The following DPP6 variants were observed in gnomAD, a reference collection of about 807,000 sequenced individuals.
DPP6 encodes dipeptidyl peptidase like 6.
Under a neutral mutation model 122.6 loss-of-function variants are expected in DPP6, and 69 were observed. That is an observed-to-expected ratio of 0.56 (90% CI 0.46 to 0.69). DPP6 has a LOEUF of 0.69. DPP6 is among the 30% of genes least tolerant of loss of function. The probability of loss-of-function intolerance (pLI) is 0.00; values close to 1 mark genes in which losing one functional copy is unlikely to be tolerated. For synonymous variants in DPP6, 418 were observed against 433.1 expected (o/e 0.97, Z 0.43); for missense variants, 928 against 1,116.9 (o/e 0.83, Z 2.41).
intron 1 of DPP6, among the ~76,000 whole-genome samples, chr7:154,440,552 A>T (rs1480144432): frequency 6.6e-6 from 1 of 152,152 alleles, no homozygotes; most frequent in African/African-American, 2.4e-5. Flanking sequence ...CTGCTGATTT[A>T]TATGTATCCT....
At chr7:154,775,374 G>C (rs189442753) in intron 10 of DPP6, among the ~76,000 whole-genome samples, 23 of 152,258 alleles carry the variant, frequency 1.5e-4, no homozygotes, top group African/African-American at 5.5e-4. Context: ...CATACCCCTT[G>C]TATGTGGACA....
chr7:154,882,910 T>C (rs1300714987), intron 21 of DPP6, among the ~76,000 whole-genome samples: 2 of 134,326 alleles, frequency 1.5e-5, no homozygotes, highest in African/African-American at 5.8e-5. Flanking sequence ...TCATAAATGG[T>C]TGATCTTGGA....
At chr7:154,574,315 C>CTGTG (rs1184393064) in intron 5 of DPP6, among the ~76,000 whole-genome samples, 72,563 of 134,114 alleles carry the variant, frequency 0.54, 19,151 homozygotes, top group East Asian at 0.94. Context: ...GTGTGGTGTG[C>CTGTG]TGTGTATGTG....
chr7:154,016,144 C>G (rs577592746), intron 1 of DPP6, among the ~76,000 whole-genome samples: 6 of 152,160 alleles, frequency 3.9e-5, no homozygotes, highest in East Asian at 1.9e-4. Flanking sequence ...TCCGCAGTGA[C>G]GCATTCCTTG....
At chr7:154,496,745 G>T (rs1344530279) in intron 3 of DPP6, among the ~76,000 whole-genome samples, 1 of 152,208 alleles carries the variant, frequency 6.6e-6, no homozygotes, top group Non-Finnish European at 1.5e-5. Flanking sequence ...GAAGAACTTG[G>T]AAATGTGTGC....
intron 3 of DPP6, among the ~76,000 whole-genome samples, chr7:154,534,717 G>A (rs778211419): frequency 3.3e-5 from 5 of 152,022 alleles, no homozygotes; most frequent in African/African-American, 4.8e-5. Flanking sequence ...AGCTAAGAAC[G>A]ATCTAAACAA....
intron 4 of DPP6, among the ~76,000 whole-genome samples, chr7:154,552,959 G>A (rs1231407609): frequency 6.6e-6 from 1 of 152,194 alleles, no homozygotes; most frequent in African/African-American, 2.4e-5. Flanking sequence ...TCAACAATTT[G>A]AGGAACTCAA....
chr7:153,938,481 C>T (rs1318374791), intron 1 of DPP6, among the ~76,000 whole-genome samples: 2 of 152,196 alleles, frequency 1.3e-5, no homozygotes, highest in Non-Finnish European at 2.9e-5. Context: ...TTAGATCTTT[C>T]AGCAAACCAT....
At chr7:154,021,885 CTCA>C (rs1341557781) in intron 1 of DPP6, among the ~76,000 whole-genome samples, 1 of 152,192 alleles carries the variant, frequency 6.6e-6, no homozygotes, top group Non-Finnish European at 1.5e-5. Context: ...CATTCAAATG[CTCA>C]TCTTTTCTAG....
At chr7:154,369,833 C>A (rs781775806) in intron 1 of DPP6, among the ~76,000 whole-genome samples, 6 of 152,192 alleles carry the variant, frequency 3.9e-5, no homozygotes, top group Non-Finnish European at 8.8e-5. Context: ...ACTTTTCTAG[C>A]TAAATTTTAC....
intron 1 of DPP6, among the ~76,000 whole-genome samples, chr7:154,002,369 A>G (rs1797727540): frequency 1.3e-5 from 2 of 152,170 alleles, no homozygotes; most frequent in Admixed American, 6.5e-5. Context: ...TATCTCTTTT[A>G]TAGACCTGCT....
At chr7:153,898,501 G>C (rs563220360) in intron 1 of DPP6, among the ~76,000 whole-genome samples, 6 of 152,074 alleles carry the variant, frequency 3.9e-5, no homozygotes, top group Non-Finnish European at 8.8e-5. Context: ...TTCCCAACGT[G>C]AAAAAATGAT....
At chr7:154,102,142 G>C (rs968287524) in intron 1 of DPP6, among the ~76,000 whole-genome samples, 1 of 151,808 alleles carries the variant, frequency 6.6e-6, no homozygotes, top group African/African-American at 2.4e-5. Context: ...TGGGTGATGG[G>C]CCTTTACACA....
At chr7:154,882,997 TCA>T (rs971685581) in intron 21 of DPP6, among the ~76,000 whole-genome samples, 1 of 152,054 alleles carries the variant, frequency 6.6e-6, no homozygotes, top group Admixed American at 6.5e-5. Context: ...ACACGCATGC[TCA>T]CAGACTCACA....
intron 1 of DPP6, among the ~76,000 whole-genome samples, chr7:154,036,251 C>T (rs576605747): frequency 2.4e-4 from 35 of 148,262 alleles, no homozygotes; most frequent in African/African-American, 8.3e-4. Flanking sequence ...GCTGGGATTA[C>T]AGGTGCCCAC....
At chr7:154,340,091 AATGTGGTTGACC>A (rs1229307751) in intron 1 of DPP6, among the ~76,000 whole-genome samples, 2 of 152,108 alleles carry the variant, frequency 1.3e-5, no homozygotes, top group Non-Finnish European at 2.9e-5. Context: ...AAAAAAAATT[AATGTGGTTGACC>A]ATTAGAAACA....
chr7:154,535,548 C>T (rs368808299), intron 3 of DPP6, among the ~76,000 whole-genome samples: 2 of 151,932 alleles, frequency 1.3e-5, no homozygotes, highest in African/African-American at 4.8e-5. Context: ...AGTCCCCCAT[C>T]CCCTGACAGG....
At chr7:154,552,766 G>T (rs754859012) in intron 4 of DPP6, among the ~76,000 whole-genome samples, 9 of 152,074 alleles carry the variant, frequency 5.9e-5, no homozygotes, top group Admixed American at 1.3e-4. Flanking sequence ...GAAGGGAGGG[G>T]ACTCCTCATA....
chr7:154,029,298 C>T (rs1215283930), intron 1 of DPP6, among the ~76,000 whole-genome samples: 4 of 147,940 alleles, frequency 2.7e-5, no homozygotes, highest in African/African-American at 5.0e-5. Flanking sequence ...GGGTGGATCA[C>T]GAGGTCAGGA....
Sources: allele counts gnomAD v4.1 joint callset (sites outside exome capture counted in the v4.1 genomes callset), GRCh38; gene constraint gnomAD v4.1.1; transcripts MANE v1.5; gene names NCBI Gene and HGNC (gene_info 2026-07-23, HGNC 2026-07-21).